Variants in FSTL5 observed in about 807,000 individuals in gnomAD.
The protein encoded by FSTL5 is follistatin-related protein 5.
Under a neutral mutation model 89.1 loss-of-function variants are expected in FSTL5, and 62 were observed. The ratio of observed to expected loss-of-function variants is 0.70; its 90% confidence interval spans 0.57 to 0.86. The LOEUF (loss-of-function observed/expected upper bound fraction) is 0.86, where lower values mean the gene tolerates loss of function less well. FSTL5 is among the 40% of genes least tolerant of loss of function. FSTL5 has a pLI of 0.00. For missense variants in FSTL5, 1,057 were observed against 1,001.6 expected (o/e 1.06, Z -0.75); for synonymous variants, 383 against 346.2 (o/e 1.11, Z -1.18).
chr4:161,719,827 A>G (rs568031394), intron 6 of FSTL5, among the ~76,000 whole-genome samples: 41 of 152,180 alleles, frequency 2.7e-4, no homozygotes, highest in Non-Finnish European at 5.6e-4. Context: ...TAACTTCACT[A>G]AATTTGTTTA....
chr4:161,819,060 A>C (rs548825484), intron 4 of FSTL5, among the ~76,000 whole-genome samples: 2 of 152,254 alleles, frequency 1.3e-5, no homozygotes, highest in African/African-American at 4.8e-5. Context: ...AAGTAGTGCT[A>C]ATTAAACATT....
intron 2 of FSTL5, among the ~76,000 whole-genome samples, chr4:162,079,643 A>G (rs1483597578): frequency 6.6e-6 from 1 of 151,542 alleles, no homozygotes; most frequent in African/African-American, 2.4e-5. Flanking sequence ...TCTTCAGGGT[A>G]GGATCAGAGC....
In FSTL5 at chr4:162,071,341, A is replaced by G. The variant is rs1363450337; in HGVS notation, c.127-37683T>C. Among the ~76,000 whole-genome samples the G allele has an allele frequency of 3.3e-5, 5 of 151,734 alleles. No homozygotes were observed. In the Admixed American group the frequency reaches 3.3e-4, roughly 10 times the overall value. ...ATGGAAATCAAAAGCAAGCAGGAGT[A>G]ACTATATTCATATCACATAAAATAG... On this transcript the variant is annotated intron_variant, in intron 2 of 15. Coordinates refer to ENST00000306100, the MANE Select transcript of FSTL5 (RefSeq NM_020116.5).
At chr4:161,783,647 C>CTCTCTTTCTT (rs1215715066) in intron 4 of FSTL5, among the ~76,000 whole-genome samples, 10 of 92,336 alleles carry the variant, frequency 1.1e-4, no homozygotes, top group African/African-American at 3.9e-4. Flanking sequence ...CTTTCTTTCT[C>CTCTCTTTCTT]TCTCTTTCTT....
chr4:161,862,963 T>A (rs1314736592), intron 4 of FSTL5, among the ~76,000 whole-genome samples: 1 of 152,198 alleles, frequency 6.6e-6, no homozygotes, highest in Non-Finnish European at 1.5e-5. Flanking sequence ...AGTGATAACA[T>A]TGCAGTCTGA....
At chr4:161,640,075 C>G (rs762120817) in intron 7 of FSTL5, among the ~76,000 whole-genome samples, 2 of 152,110 alleles carry the variant, frequency 1.3e-5, no homozygotes, top group East Asian at 3.9e-4. Context: ...GGAGAATGCA[C>G]AAGCTCAGAA....
At chr4:161,520,277 C>T (rs1165933178) in intron 10 of FSTL5, among the ~76,000 whole-genome samples, 2 of 151,650 alleles carry the variant, frequency 1.3e-5, no homozygotes, top group African/African-American at 4.8e-5. Flanking sequence ...ATTCCTACTA[C>T]ATATTCTGAG....
At chr4:161,976,675 G>T (rs1735657964) in intron 3 of FSTL5, among the ~76,000 whole-genome samples, 1 of 152,056 alleles carries the variant, frequency 6.6e-6, no homozygotes, top group Admixed American at 6.6e-5. Context: ...TAGAGACGGG[G>T]TTTCACCTTG....
chr4:162,115,416 G>A (rs972268834), intron 1 of FSTL5, among the ~76,000 whole-genome samples: 5 of 152,024 alleles, frequency 3.3e-5, no homozygotes, highest in African/African-American at 1.2e-4. Context: ...AGCAGTAATC[G>A]ATCCCACCAT....
chr4:161,721,925 T>C (rs1456863310), intron 6 of FSTL5, among the ~76,000 whole-genome samples: 3 of 152,204 alleles, frequency 2.0e-5, no homozygotes, highest in Non-Finnish European at 4.4e-5. Context: ...ATTGTAGTGG[T>C]GAGCCAGAGG....
chr4:161,512,107 T>C (rs1730670746), intron 10 of FSTL5, among the ~76,000 whole-genome samples: 1 of 152,108 alleles, frequency 6.6e-6, no homozygotes, highest in African/African-American at 2.4e-5. Flanking sequence ...TAAAATCAAG[T>C]AAGTCTGCAC....
intron 4 of FSTL5, among the ~76,000 whole-genome samples, chr4:161,891,838 T>C (rs757865661): frequency 2.0e-5 from 3 of 152,030 alleles, no homozygotes; most frequent in Non-Finnish European, 4.4e-5. Context: ...GATCTTATAA[T>C]GCTCATCAAG....
chr4:162,042,686 A>G (rs961931983), intron 2 of FSTL5, among the ~76,000 whole-genome samples: 1 of 152,136 alleles, frequency 6.6e-6, no homozygotes, highest in African/African-American at 2.4e-5. Context: ...ACTCCTCTCC[A>G]TAATAAATTA....
At chr4:161,768,478 A>G (rs1006122941) in intron 5 of FSTL5, among the ~76,000 whole-genome samples, 2 of 152,002 alleles carry the variant, frequency 1.3e-5, no homozygotes, top group African/African-American at 4.8e-5. Flanking sequence ...AGACAGACTT[A>G]TCCATTATAT....
intron 15 of FSTL5, among the ~76,000 whole-genome samples, chr4:161,437,787 G>A (rs147078041): frequency 4.1e-4 from 62 of 152,160 alleles, no homozygotes; most frequent in African/African-American, 1.4e-3. Flanking sequence ...GATGGTGGAT[G>A]GATTTTCCAC....
At chr4:161,626,195 G>A (rs543422701) in intron 7 of FSTL5, among the ~76,000 whole-genome samples, 1 of 152,184 alleles carries the variant, frequency 6.6e-6, no homozygotes, top group South Asian at 2.1e-4. Flanking sequence ...ATCTTGTGAT[G>A]GGCGAAAATA....
chr4:161,992,571 G>T (rs906889628), intron 3 of FSTL5, among the ~76,000 whole-genome samples: 5 of 151,782 alleles, frequency 3.3e-5, no homozygotes, highest in Admixed American at 3.3e-4. Context: ...AGCAGGGCGC[G>T]GTGGTTCACG....
intron 7 of FSTL5, among the ~76,000 whole-genome samples, chr4:161,597,260 T>C (rs1734048292): frequency 6.6e-6 from 1 of 152,112 alleles, no homozygotes; most frequent in Non-Finnish European, 1.5e-5. Context: ...GCTAGCCAGT[T>C]TTCCCAGCAC....
chr4:161,500,031 C>G lies in FSTL5; in HGVS notation c.1443G>C (p.Lys481Asn). ...AGATACTTGCCTGAAATCCAAGGAGCTTTTCACTAGGCTTAATGTGCCTCT... is the reference window on the plus strand; with the variant it reads ...AGATACTTGCCTGAAATCCAAGGAGGTTTTCACTAGGCTTAATGTGCCTCT... The part of the protein sequence containing the change: ...EFQRHIKPSE[K>N]LLGFQDEVCP... The change falls in exon 12 of 16, where the codon AAG becomes AAC. Residue 481 changes from lysine to asparagine, a missense_variant. Physicochemically the swap from Lys to Asn is moderately conservative, Grantham distance 94. This residue lies in a region of FSTL5 where 980 missense variants were observed against 903.2 expected (regional missense o/e 1.08). Transcript: ENST00000306100. 6.3e-7 allele frequency: 1 copy of G among 1,597,894 alleles called. No homozygotes were observed. Among genetic ancestry groups the G allele is most frequent in the Non-Finnish European group, 8.6e-7 (1 of 1,167,842 alleles).
Sources: gnomAD v4.1 joint callset for allele counts (sites outside exome capture counted in the v4.1 genomes callset) on GRCh38, gnomAD v4.1.1 for gene constraint, gnomAD v4.1.1 regional missense constraint, MANE v1.5 for transcripts, NCBI Gene and HGNC (gene_info 2026-07-23, HGNC 2026-07-21) for gene names.